The following TEX11 variants were observed in gnomAD, a reference collection of about 807,000 sequenced individuals.
TEX11 encodes the protein testis-expressed protein 11.
In TEX11, 7 loss-of-function variants were observed where a neutral mutation model predicts 84.4. The ratio of observed to expected loss-of-function variants is 0.08; its 90% CI spans 0.05 to 0.16. The LOEUF (loss-of-function observed/expected upper bound fraction) is 0.16, where lower values mean the gene tolerates loss of function less well. TEX11 is among the 10% of genes least tolerant of loss of function. The pLI is 1.00. For missense variants in TEX11, 551 were observed against 660.5 expected (o/e 0.83, Z 1.82); for synonymous variants, 264 against 222.8 (o/e 1.18, Z -1.64).
intron 9 of TEX11, among the ~76,000 whole-genome samples, chrX:70,766,273 A>G (rs1341693011): frequency 9.1e-6 from 1 of 110,239 alleles, no homozygotes; most frequent in African/African-American, 3.3e-5. Context: ...TTAGCTGGGC[A>G]TGGTGGTGCG....
intron 9 of TEX11, among the ~76,000 whole-genome samples, chrX:70,783,169 T>G (rs765215908): frequency 8.0e-5 from 9 of 111,929 alleles, no homozygotes; most frequent in Admixed American, 2.9e-4. Flanking sequence ...AACTCAGGAT[T>G]AAGAAACTCA....
chrX:70,563,133 T>C (rs1299377561), intron 25 of TEX11, among the ~76,000 whole-genome samples: 3 of 111,991 alleles, frequency 2.7e-5, no homozygotes, highest in Non-Finnish European at 3.8e-5. Flanking sequence ...TTCTGAGTTC[T>C]TCGGATAGGC....
chrX:70,746,217 T>A (rs2090766776), intron 9 of TEX11, among the ~76,000 whole-genome samples: 2 of 111,168 alleles, frequency 1.8e-5, no homozygotes, highest in South Asian at 7.7e-4. Context: ...GCTCCTAAAA[T>A]CCTAGGCTAT....
chrX:70,764,268 T>C (rs1052496069), intron 9 of TEX11, among the ~76,000 whole-genome samples: 1 of 111,236 alleles, frequency 9.0e-6, no homozygotes, highest in Non-Finnish European at 1.9e-5. Context: ...AAGCTGAAAA[T>C]TTTCTGGAAA....
chrX:70,778,945 C>T (rs2091019098), intron 9 of TEX11, among the ~76,000 whole-genome samples: 2 of 110,784 alleles, frequency 1.8e-5, no homozygotes, highest in African/African-American at 6.6e-5. Flanking sequence ...AGAGGTGGCT[C>T]ATGCCTGCAA....
chrX:70,892,304 A>T (rs904912119), intron 2 of TEX11, among the ~76,000 whole-genome samples: 3 of 112,051 alleles, frequency 2.7e-5, no homozygotes, highest in African/African-American at 9.7e-5. Flanking sequence ...ACACACCAAA[A>T]TATAAAGACC....
intron 24 of TEX11, among the ~76,000 whole-genome samples, chrX:70,593,246 C>A (rs1294355655): frequency 1.8e-5 from 2 of 111,662 alleles, no homozygotes; most frequent in Non-Finnish European, 3.8e-5. Context: ...TCATCCTTTA[C>A]CAGAGGGAGG....
chrX:70,833,008 G>A (rs780853080), intron 8 of TEX11, among the ~76,000 whole-genome samples: 48 of 111,711 alleles, frequency 4.3e-4, no homozygotes, highest in Non-Finnish European at 5.8e-4. Flanking sequence ...GGTGGCTCAC[G>A]CCTGTAATCC....
At chrX:70,743,122 A>T (rs1026358712) in intron 10 of TEX11, among the ~76,000 whole-genome samples, 1 of 112,069 alleles carries the variant, frequency 8.9e-6, no homozygotes, top group Non-Finnish European at 1.9e-5. Flanking sequence ...CATACCTCAC[A>T]TAAGTGGAAC....
intron 24 of TEX11, among the ~76,000 whole-genome samples, chrX:70,596,070 C>T (rs1361285704): frequency 9.0e-6 from 1 of 110,533 alleles, no homozygotes; most frequent in Admixed American, 9.7e-5. Context: ...TTAAAAGGGC[C>T]AATCCATTGG....
At chrX:70,544,118 C>T (rs1002191864) in intron 28 of TEX11, among the ~76,000 whole-genome samples, 1 of 112,035 alleles carries the variant, frequency 8.9e-6, no homozygotes, top group African/African-American at 3.2e-5. Flanking sequence ...GGTGAGTGAA[C>T]ATGAAGGTGT....
chrX:70,798,031 G>GA (rs781211387), intron 9 of TEX11, among the ~76,000 whole-genome samples: 1 of 102,710 alleles, frequency 9.7e-6, no homozygotes, highest in Non-Finnish European at 2.0e-5. Context: ...AGATGAGGGG[G>GA]GGGGAAAGGC....
chrX:70,570,349 T>C (rs148111562), intron 25 of TEX11, among the ~76,000 whole-genome samples: 219 of 112,286 alleles, frequency 2.0e-3, no homozygotes, highest in African/African-American at 6.9e-3. Flanking sequence ...CCCTGAAACC[T>C]TGCACTTCCC....
At chrX:70,679,230 T>TTCAC (rs1244268375) in intron 14 of TEX11, among the ~76,000 whole-genome samples, 1 of 112,195 alleles carries the variant, frequency 8.9e-6, no homozygotes, top group African/African-American at 3.2e-5. Context: ...CGGAGTCTCA[T>TTCAC]TCACTCCGTG....
At chrX:70,544,998 A>T (rs1197400826) in intron 28 of TEX11, among the ~76,000 whole-genome samples, 2 of 110,199 alleles carry the variant, frequency 1.8e-5, no homozygotes, top group African/African-American at 6.6e-5. Flanking sequence ...TGAGGTCAGG[A>T]GCTTGAGGCC....
chrX:70,646,069 A>G (rs1474467456), intron 17 of TEX11, among the ~76,000 whole-genome samples: 1 of 112,018 alleles, frequency 8.9e-6, no homozygotes, highest in African/African-American at 3.2e-5. Context: ...GCAGAAAAAC[A>G]GATACATAGG....
chrX:70,648,913 T>C (rs2089779386), intron 17 of TEX11, among the ~76,000 whole-genome samples: 1 of 108,488 alleles, frequency 9.2e-6, no homozygotes, highest in South Asian at 4.3e-4. Flanking sequence ...TTCCCCTTCC[T>C]GTGTCCATGT....
At chrX:70,792,565 T>C (rs1205129924) in intron 9 of TEX11, among the ~76,000 whole-genome samples, 1 of 104,401 alleles carries the variant, frequency 9.6e-6, no homozygotes, top group African/African-American at 3.5e-5. Context: ...CTGAATAAAA[T>C]TGAGATGTAA....
chrX:70,826,255 G>A (rs768646970), intron 8 of TEX11, among the ~76,000 whole-genome samples: 3 of 107,465 alleles, frequency 2.8e-5, no homozygotes, highest in South Asian at 4.2e-4. Context: ...AGGTTGCAGT[G>A]AGCCAAGACT....
Sources: gnomAD v4.1 joint callset for allele counts (sites outside exome capture counted in the v4.1 genomes callset) on GRCh38, gnomAD v4.1.1 for gene constraint, MANE v1.5 for transcripts, NCBI Gene and HGNC (gene_info 2026-07-23, HGNC 2026-07-21) for gene names.